NBAS: variants seen among roughly 807,000 people sequenced by gnomAD.
The protein encoded by NBAS is NBAS subunit of NRZ tethering complex.
A neutral mutation model predicts 302.5 loss-of-function variants in NBAS; 219 were observed. That is an observed-to-expected ratio of 0.72 (90% CI 0.65 to 0.81). The LOEUF (loss-of-function observed/expected upper bound fraction) is 0.81. Ranked by LOEUF, NBAS falls within the 30% of genes least tolerant of loss-of-function variation. The pLI, the probability that NBAS is intolerant of heterozygous loss-of-function variation, is 0.00. For missense variants in NBAS, 2,932 were observed against 2,841.6 expected (o/e 1.03, Z -0.72); for synonymous variants, 1,118 against 1,021.6 (o/e 1.09, Z -1.80).
chr2:15,056,877 G>A, the NBAS span, among the ~76,000 whole-genome samples: 1 of 147,864 alleles, frequency 6.8e-6, no homozygotes, highest in Admixed American at 6.8e-5. Flanking sequence ...CTCCTAGGCT[G>A]GAGTGCAGTG....
Position 15,335,074 on chromosome 2 carries a change from C to T in NBAS, c.4180-4309G>A, listed in dbSNP as rs191071401. Among the ~76,000 whole-genome samples, 71 of 151,840 alleles carry T rather than the reference C, an allele frequency of 4.7e-4. 1 individual carries two copies. Among genetic ancestry groups the T allele is most frequent in the Middle Eastern group, 3.4e-3 (1 of 292 alleles). On this transcript the variant is annotated intron_variant, in intron 35 of 51. Transcript: ENST00000281513. ...AGTAGTTAAAGACTGTTCAACTCCA[C>T]GCCTGTAATCCCCGCACTTCGGGAG...
At chr2:15,260,272 T>C (rs1668788542) in intron 44 of NBAS, among the ~76,000 whole-genome samples, 1 of 152,202 alleles carries the variant, frequency 6.6e-6, no homozygotes, top group African/African-American at 2.4e-5. Context: ...GTAGCACTGT[T>C]TTCCTAAAGT....
At chr2:14,987,259 T>C in the NBAS span, among the ~76,000 whole-genome samples, 1 of 152,110 alleles carries the variant, frequency 6.6e-6, no homozygotes, top group Non-Finnish European at 1.5e-5. Flanking sequence ...TATAAGTGCC[T>C]GAAATTATCA....
intron 6 of NBAS, among the ~76,000 whole-genome samples, chr2:15,540,407 G>T (rs1270813098): frequency 6.6e-6 from 1 of 151,834 alleles, no homozygotes; most frequent in Non-Finnish European, 1.5e-5. Flanking sequence ...ACCATCTCCT[G>T]CTTGGCCTAC....
At chr2:15,244,652 G>A (rs1375325785) in intron 44 of NBAS, among the ~76,000 whole-genome samples, 2 of 152,144 alleles carry the variant, frequency 1.3e-5, no homozygotes, top group Admixed American at 6.5e-5. Context: ...TGTCCATTTG[G>A]TTCACAGTCT....
At chr2:14,982,908 A>G in the NBAS span, among the ~76,000 whole-genome samples, 1 of 152,200 alleles carries the variant, frequency 6.6e-6, no homozygotes, top group Non-Finnish European at 1.5e-5. Context: ...GCTAAATAGA[A>G]ACAGAGGTAA....
At chr2:15,221,766 T>C (rs1666959052) in intron 47 of NBAS, among the ~76,000 whole-genome samples, 1 of 152,154 alleles carries the variant, frequency 6.6e-6, no homozygotes, top group Admixed American at 6.5e-5. Context: ...CAAAGAATTT[T>C]CAGGGAGAGA....
intron 5 of NBAS, among the ~76,000 whole-genome samples, 193 bp downstream of exon 5, chr2:15,553,233 A>G (rs1177033686): frequency 1.3e-5 from 2 of 152,246 alleles, no homozygotes; most frequent in African/African-American, 2.4e-5. Context: ...AAGGAGAAAG[A>G]TAAGCATATA....
the NBAS span, among the ~76,000 whole-genome samples, chr2:14,878,590 G>A: frequency 6.6e-6 from 1 of 152,178 alleles, no homozygotes; most frequent in East Asian, 1.9e-4. Flanking sequence ...ATCTGAGCAG[G>A]ATCCCAGGAT....
At chr2:15,048,013 C>A in the NBAS span, among the ~76,000 whole-genome samples, 3,231 of 143,890 alleles carry the variant, frequency 0.022, 54 homozygotes, top group African/African-American at 0.037. Flanking sequence ...TTTAAGTTTG[C>A]GTTCAGCAAA....
intron 9 of NBAS, among the ~76,000 whole-genome samples, chr2:15,528,639 G>A (rs142931832): frequency 0.011 from 1,633 of 148,790 alleles, 25 homozygotes; most frequent in Non-Finnish European, 0.015. Flanking sequence ...AGGCTGAGGC[G>A]GGAGGATGAC....
the NBAS span, among the ~76,000 whole-genome samples, chr2:14,843,712 C>T: frequency 6.6e-6 from 1 of 152,118 alleles, no homozygotes. Context: ...ACACCTCCCT[C>T]ATCCCCAGGC....
chr2:15,285,294 C>T (rs1194136131), intron 42 of NBAS, among the ~76,000 whole-genome samples: 3 of 152,170 alleles, frequency 2.0e-5, no homozygotes, highest in African/African-American at 7.2e-5. Context: ...TTTGACCCCA[C>T]TCAATACTCA....
the NBAS span, among the ~76,000 whole-genome samples, chr2:14,993,271 C>T: frequency 6.6e-6 from 1 of 152,208 alleles, no homozygotes; most frequent in African/African-American, 2.4e-5. Flanking sequence ...CTATTTACAA[C>T]ACTGCAGACC....
intron 42 of NBAS, among the ~76,000 whole-genome samples, chr2:15,282,680 A>G (rs1256258118): frequency 3.9e-5 from 6 of 152,200 alleles, no homozygotes; most frequent in Non-Finnish European, 8.8e-5. Context: ...CAAAAAGTAG[A>G]TATTAGAGTG....
intron 21 of NBAS, among the ~76,000 whole-genome samples, chr2:15,430,213 T>C (rs1235511260): frequency 1.3e-5 from 2 of 152,192 alleles, no homozygotes; most frequent in Admixed American, 6.5e-5. Flanking sequence ...TAGAGACTAG[T>C]AAGTTGTAAA....
chr2:15,395,236 T>A (rs1312442255), intron 27 of NBAS, among the ~76,000 whole-genome samples: 1 of 152,072 alleles, frequency 6.6e-6, no homozygotes. Context: ...TGTGATGAAA[T>A]AAATTACGTT....
chr2:15,546,018 G>A (rs141909432), intron 6 of NBAS, among the ~76,000 whole-genome samples: 3,127 of 152,166 alleles, frequency 0.021, 61 homozygotes, highest in Non-Finnish European at 0.026. Flanking sequence ...TGGATAGCTG[G>A]GAGACCTATG....
the NBAS span, among the ~76,000 whole-genome samples, chr2:14,865,806 ATTG>A: frequency 1.1e-5 from 1 of 95,032 alleles, no homozygotes. Flanking sequence ...TGAATCTGTT[ATTG>A]TTATTATTAT....
Sources: gnomAD v4.1 joint callset for allele counts (sites outside exome capture counted in the v4.1 genomes callset) on GRCh38, gnomAD v4.1.1 for gene constraint, MANE v1.5 for transcripts, NCBI Gene and HGNC (gene_info 2026-07-23, HGNC 2026-07-21) for gene names.